Variants in DCC observed in about 807,000 individuals in gnomAD.
DCC encodes netrin receptor DCC.
A neutral mutation model predicts 172.5 loss-of-function variants in DCC; 58 were observed. The ratio of observed to expected loss-of-function variants is 0.34; its 90% CI spans 0.27 to 0.42. The LOEUF (loss-of-function observed/expected upper bound fraction) is 0.42, where lower values mean the gene tolerates loss of function less well. Ranked by LOEUF, DCC falls within the 10% of genes least tolerant of loss-of-function variation. The probability of loss-of-function intolerance (pLI) is 1.00; values close to 1 mark genes in which losing one functional copy is unlikely to be tolerated. For synonymous variants in DCC, 709 were observed against 644.5 expected (o/e 1.10, Z -1.52); for missense variants, 1,740 against 1,791.0 (o/e 0.97, Z 0.51).
chr18:52,833,066 A>G (rs914054495), intron 2 of DCC, among the ~76,000 whole-genome samples: 2 of 152,162 alleles, frequency 1.3e-5, no homozygotes, highest in Non-Finnish European at 2.9e-5. Flanking sequence ...GATTGAATAG[A>G]TAGAGCATTC....
At chr18:52,722,584 A>G (rs752148737) in intron 1 of DCC, among the ~76,000 whole-genome samples, 1 of 152,208 alleles carries the variant, frequency 6.6e-6, no homozygotes, top group African/African-American at 2.4e-5. Context: ...TTAAGTCTTC[A>G]TCATCTGCCT....
intron 1 of DCC, among the ~76,000 whole-genome samples, chr18:52,472,630 C>A (rs190403220): frequency 6.6e-6 from 1 of 152,346 alleles, no homozygotes; most frequent in East Asian, 1.9e-4. Context: ...AGGCCAGCAG[C>A]AGTGGCTCAC....
chr18:52,889,406 C>T (rs901348998), intron 2 of DCC, among the ~76,000 whole-genome samples: 1 of 152,040 alleles, frequency 6.6e-6, no homozygotes, highest in African/African-American at 2.4e-5. Flanking sequence ...AGCCAATAGC[C>T]ATTGACCACA....
chr18:52,682,697 T>C (rs1487393457), intron 1 of DCC, among the ~76,000 whole-genome samples: 1 of 151,260 alleles, frequency 6.6e-6, no homozygotes, highest in Non-Finnish European at 1.5e-5. Context: ...ATATAAAATA[T>C]GTCAGGTAGT....
intron 1 of DCC, among the ~76,000 whole-genome samples, chr18:52,448,793 G>A (rs1432466738): frequency 6.6e-6 from 1 of 152,182 alleles, no homozygotes. Context: ...TACCTTCCCA[G>A]CTAATGGCCA....
intron 17 of DCC, 139 bp downstream of exon 17, chr18:53,392,026 A>C (rs1354213099): frequency 7.4e-6 from 5 of 677,170 alleles, no homozygotes; most frequent in Non-Finnish European, 1.3e-5. Flanking sequence ...TTAATAACTC[A>C]ATATCTAAGA....
chr18:53,159,541 A>T (rs2054800982), intron 8 of DCC, among the ~76,000 whole-genome samples: 1 of 152,010 alleles, frequency 6.6e-6, no homozygotes, highest in Non-Finnish European at 1.5e-5. Flanking sequence ...TTGATCACTC[A>T]CTCCACTGCC....
intron 1 of DCC, among the ~76,000 whole-genome samples, chr18:52,630,562 C>A (rs2034655708): frequency 1.3e-5 from 2 of 152,040 alleles, no homozygotes; most frequent in Non-Finnish European, 2.9e-5. Flanking sequence ...TGCCAGAAAT[C>A]CAAGAAATGA....
intron 2 of DCC, among the ~76,000 whole-genome samples, chr18:52,846,172 T>G (rs1215185441): frequency 2.0e-5 from 3 of 152,116 alleles, no homozygotes. Flanking sequence ...CAAAGAAAAG[T>G]ACCGTTAAAT....
At chr18:52,441,254 G>A (rs1430714389) in intron 1 of DCC, among the ~76,000 whole-genome samples, 1 of 152,116 alleles carries the variant, frequency 6.6e-6, no homozygotes, top group Non-Finnish European at 1.5e-5. Flanking sequence ...ACTGAATCAG[G>A]AATGAGACTA....
intron 5 of DCC, among the ~76,000 whole-genome samples, chr18:52,960,518 T>C (rs2040825315): frequency 6.6e-6 from 1 of 152,150 alleles, no homozygotes; most frequent in Admixed American, 6.6e-5. Context: ...TTTTCTTCAA[T>C]CATCTTTAAA....
At chr18:52,815,979 T>C (rs78604678) in intron 2 of DCC, among the ~76,000 whole-genome samples, 1 of 152,126 alleles carries the variant, frequency 6.6e-6, no homozygotes, top group Non-Finnish European at 1.5e-5. Context: ...AAAAAAGAGA[T>C]AAACCAACCA....
At chr18:53,237,020 G>T (rs187662364) in intron 12 of DCC, 1 of 151,650 alleles carries the variant, frequency 6.6e-6, no homozygotes, top group East Asian at 1.9e-4. Flanking sequence ...ACTCTAATAT[G>T]GTTCTTTTTT....
At chr18:53,229,452 C>G (rs760773853) in intron 12 of DCC, among the ~76,000 whole-genome samples, 1 of 152,096 alleles carries the variant, frequency 6.6e-6, no homozygotes, top group Non-Finnish European at 1.5e-5. Context: ...TTACATGTAA[C>G]AGTTCCTCAT....
chr18:53,046,646 C>T (rs188836919), intron 5 of DCC, among the ~76,000 whole-genome samples: 53 of 152,064 alleles, frequency 3.5e-4, no homozygotes, highest in Non-Finnish European at 6.8e-4. Flanking sequence ...ACTCCACCTA[C>T]AGTAACACTT....
At chr18:52,738,572 C>T (rs1043803790) in intron 1 of DCC, among the ~76,000 whole-genome samples, 6 of 151,978 alleles carry the variant, frequency 3.9e-5, no homozygotes, top group Non-Finnish European at 7.4e-5. Context: ...GAGTGGTAAT[C>T]GAATACAAAG....
chr18:52,612,248 T>G (rs886188028), intron 1 of DCC, among the ~76,000 whole-genome samples: 4 of 152,160 alleles, frequency 2.6e-5, no homozygotes, highest in African/African-American at 9.6e-5. Flanking sequence ...TGCACTCAGT[T>G]ATTCAATCCA....
intron 1 of DCC, among the ~76,000 whole-genome samples, chr18:52,664,260 T>A (rs1425920006): frequency 6.6e-6 from 1 of 152,120 alleles, no homozygotes; most frequent in Non-Finnish European, 1.5e-5. Flanking sequence ...AAATCTGGAT[T>A]CCTTCCAGAG....
chr18:52,751,902 C>T, intron 1 of DCC, 152 bp from the exon 2 acceptor site: 2 of 669,498 alleles, frequency 3.0e-6, no homozygotes, highest in Admixed American at 2.8e-5. Flanking sequence ...GCTTATTTAA[C>T]ATAATATCCT....
Sources: gnomAD v4.1 joint callset for allele counts (sites outside exome capture counted in the v4.1 genomes callset) on GRCh38, gnomAD v4.1.1 for gene constraint, MANE v1.5 for transcripts, NCBI Gene and HGNC (gene_info 2026-07-23, HGNC 2026-07-21) for gene names.